Variants in PSMG4 observed in about 807,000 individuals in gnomAD.
PSMG4 encodes proteasome assembly chaperone 4.
In PSMG4, 10 loss-of-function variants were observed where a neutral mutation model predicts 11.0. The ratio of observed to expected loss-of-function variants is 0.91; its 90% CI spans 0.56 to 1.54. PSMG4 has a LOEUF of 1.54. PSMG4 is among the 40% of genes most tolerant of loss of function. The pLI is 0.00. For synonymous variants in PSMG4, 95 were observed against 71.3 expected, an observed-to-expected ratio of 1.33 and a Z score of -1.68; for missense variants, 198 against 160.9, an observed-to-expected ratio of 1.23 and a Z score of -1.25.
chr6:3,264,453 C>G (rs1758110398), intron 2 of PSMG4: 1 of 1,434,402 alleles, frequency 7.0e-7, no homozygotes, highest in Non-Finnish European at 9.2e-7. Flanking sequence ...GGAGTCTTCT[C>G]TGTGTCTCAG....
rs1054409221 is a variant in PSMG4, at chr6:3,259,172, C to G, written c.150C>G (p.Leu50=). Residue 50 remains leucine (L), a synonymous_variant, in exon 1 of 3, where the codon CTC becomes CTG. Transcript: ENST00000438998. ...GGGCCACGCCGCACCTGCGCAACCT[C>G]GCCGTGGCCATGTGCAGCCGCTACG... ...WVGATPHLRN[L]AVAMCSRYDS... 28 of 1,309,708 alleles carry G rather than the reference C, an allele frequency of 2.1e-5. No homozygotes were observed. The African/African-American group carries it at 3.5e-4, about 17-fold the overall frequency. 81.1% of individuals were successfully genotyped at this position (1,309,708 alleles called of 1,614,324 possible). A position where few individuals can be genotyped will look rare whatever the true frequency, so the allele number is the denominator to read the frequency against.
In PSMG4 at chr6:3,259,073, C is replaced by A. The variant is rs75909236; in HGVS notation, c.51C>A (p.Phe17Leu). 7.9e-7 allele frequency: 1 copy of A among 1,268,486 alleles called. No homozygotes were observed. Among genetic ancestry groups the A allele is most frequent in the Non-Finnish European group, 9.9e-7 (1 of 1,005,152 alleles). The allele number at this position is 1,268,486 out of a possible 1,614,324, so 78.6% of individuals were successfully genotyped here. A position where few individuals can be genotyped will look rare whatever the true frequency, so the allele number is the denominator to read the frequency against. The part of the protein sequence containing the change: ...AAGGDVSLHN[F>L]SARLWEQLVH... ...GCGGGGACGTCTCCCTGCACAACTT[C>A]AGCGCGAGGCTGTGGGAGCAGCTGG... Residue 17 changes from phenylalanine (F) to leucine (L), a missense_variant, in exon 1 of 3, where the codon TTC becomes TTA. Phe to Leu is a conservative substitution (Grantham distance 22). Transcript: ENST00000438998.
chr6:3,259,877 T>G (rs11963347), intron 1 of PSMG4, among the ~76,000 whole-genome samples: 2 of 152,096 alleles, frequency 1.3e-5, no homozygotes, highest in Non-Finnish European at 2.9e-5. Context: ...GCCTGGTTTC[T>G]CCTGGTTTCC....
At position 3,264,320 on chromosome 6, in the gene PSMG4, G is replaced by C. The variant is rs1400388183; in HGVS notation, c.250+561G>C. 1 of 1,549,806 alleles carries C rather than the reference G, an allele frequency of 6.5e-7. No individual in the cohort carries two copies. Among genetic ancestry groups the C allele is most frequent in the African/African-American group, 1.4e-5 (1 of 73,024 alleles). On this transcript the variant is annotated intron_variant, in intron 2 of 2. Transcript: ENST00000438998. ...CCCACACCCCAACACACTTCCTGTGGGCCAGGTAAGGCTTCCATGTGCTCT... is the reference window on the plus strand; with the variant it reads ...CCCACACCCCAACACACTTCCTGTGCGCCAGGTAAGGCTTCCATGTGCTCT...
intron 1 of PSMG4, among the ~76,000 whole-genome samples, chr6:3,260,187 C>T (rs1235581843): frequency 9.6e-6 from 1 of 104,522 alleles, no homozygotes; most frequent in African/African-American, 2.9e-5. Context: ...GATGATCCTC[C>T]TTCCTCAGTG....
At chr6:3,259,230 G>A in intron 1 of PSMG4, 34 bp downstream of exon 1, 2 of 1,256,706 alleles carry the variant, frequency 1.6e-6, no homozygotes, top group Non-Finnish European at 2.0e-6. Context: ...GCGGGCGGCG[G>A]GGCGGGGGCG....
At position 3,267,901 on chromosome 6, in the gene PSMG4, T is replaced by C; in HGVS notation, c.*189T>C. On this transcript the variant is annotated 3_prime_UTR_variant, in exon 3 of 3. Transcript: ENST00000438998. ...CCCACCTGGTGAAGGAGAGGCAAAG[T>C]GGGCAGTATATACTTCCTCATTTGG... is the stretch of plus-strand genomic sequence containing the variant. 1.8e-6 allele frequency: 1 copy of C among 541,556 alleles called. No individual in the cohort carries two copies. The highest frequency in any genetic ancestry group is 3.3e-6 in the Non-Finnish European group (1 of 304,602). The allele number at this position is 541,556 out of a possible 1,614,324, so 33.5% of individuals were successfully genotyped here. A position where few individuals can be genotyped will look rare whatever the true frequency, so the allele number is the denominator to read the frequency against.
At chr6:3,254,425 T>G (rs144646136), upstream of PSMG4, among the ~76,000 whole-genome samples, 2 of 149,086 alleles carry the variant, frequency 1.3e-5, no homozygotes, top group Non-Finnish European at 3.0e-5. Context: ...TGAGGAGGTA[T>G]GGCTTTGTGC....
upstream of PSMG4, chr6:3,258,830 C>G: frequency 2.2e-6 from 1 of 444,820 alleles, no homozygotes. Flanking sequence ...GGGCCGGCAG[C>G]CGCCCCGCCT....
At chr6:3,266,210 C>G (rs1307175802) in intron 2 of PSMG4, 1 of 151,916 alleles carries the variant, frequency 6.6e-6, no homozygotes, top group Non-Finnish European at 1.5e-5. Flanking sequence ...GGGGCCTGGG[C>G]CTGCGCCTGC....
intron 1 of PSMG4, 23 bp downstream of exon 1, chr6:3,259,219 TGCGGGCGGCG>T: frequency 8.0e-7 from 1 of 1,250,326 alleles, no homozygotes; most frequent in Non-Finnish European, 1.0e-6. Flanking sequence ...CGGCCGAGGG[TGCGGGCGGCG>T]GGGCGGGGGC....
upstream of PSMG4, among the ~76,000 whole-genome samples, chr6:3,254,661 T>A (rs1039190660): frequency 6.6e-6 from 1 of 152,164 alleles, no homozygotes; most frequent in Non-Finnish European, 1.5e-5. Context: ...GCTTTGTTCC[T>A]TCAAGCTGCG....
upstream of PSMG4, among the ~76,000 whole-genome samples, chr6:3,254,580 C>T (rs1014499644): frequency 6.6e-6 from 1 of 151,806 alleles, no homozygotes; most frequent in Non-Finnish European, 1.5e-5. Context: ...GGCTGGGAAC[C>T]CAACGATGGA....
chr6:3,263,007 G>A (rs1156384221), intron 1 of PSMG4, among the ~76,000 whole-genome samples: 4 of 152,168 alleles, frequency 2.6e-5, no homozygotes, highest in African/African-American at 9.7e-5. Context: ...AAGTAGTTGG[G>A]AGCAGTTACT....
chr6:3,267,334 C>G lies in PSMG4; in HGVS notation c.251-257C>G, dbSNP rs1375580116. On this transcript the variant is annotated intron_variant, in intron 2 of 2. Transcript: ENST00000438998. ...TGGGTGGGGCCCAGCAGCTGCCTCTCGAACAAGTTCCAGGGAGGCTGCTGA... is the reference window on the plus strand; with the variant it reads ...TGGGTGGGGCCCAGCAGCTGCCTCTGGAACAAGTTCCAGGGAGGCTGCTGA... 7 of 310,906 alleles carry G rather than the reference C, an allele frequency of 2.3e-5. 1 individual carries two copies. The highest frequency in any genetic ancestry group is 2.2e-4 in the Admixed American group (5 of 22,574). The allele number at this position is 310,906 out of a possible 1,614,324, so 19.3% of individuals were successfully genotyped here.
chr6:3,262,551 T>C (rs1758029540), intron 1 of PSMG4, among the ~76,000 whole-genome samples: 1 of 152,176 alleles, frequency 6.6e-6, no homozygotes, highest in African/African-American at 2.4e-5. Flanking sequence ...TTTGAACCTT[T>C]AGGAGATGAG....
At chr6:3,264,116 C>T (rs1434079452) in intron 2 of PSMG4, 9 of 1,518,378 alleles carry the variant, frequency 5.9e-6, no homozygotes, top group African/African-American at 4.1e-5. Context: ...TCAAGGTAGC[C>T]TCCCGGGCCT....
chr6:3,255,003 C>T (rs1757703022), upstream of PSMG4: 14 of 1,541,032 alleles, frequency 9.1e-6, no homozygotes, highest in Non-Finnish European at 1.1e-5. Flanking sequence ...CTAGCGCACT[C>T]CCATGTGGGA....
chr6:3,257,878 A>C (rs1757818270), upstream of PSMG4, among the ~76,000 whole-genome samples: 1 of 152,228 alleles, frequency 6.6e-6, no homozygotes, highest in African/African-American at 2.4e-5. Context: ...CATTTTAATA[A>C]AGCTGTTAAA....
Sources: allele counts gnomAD v4.1 joint callset (sites outside exome capture counted in the v4.1 genomes callset), GRCh38; gene constraint gnomAD v4.1.1; transcripts MANE v1.5; gene names NCBI Gene and HGNC (gene_info 2026-07-23, HGNC 2026-07-21).